Variants in UGT2A1 observed in about 807,000 individuals in gnomAD.
UGT2A1 encodes UDP-glucuronosyltransferase 2A1.
In UGT2A1, 61 loss-of-function variants were observed where a neutral mutation model predicts 45.4. That is an observed-to-expected ratio of 1.34 (90% CI 1.09 to 1.66). The LOEUF (loss-of-function observed/expected upper bound fraction) is 1.66. Among genes scored for constraint, UGT2A1 ranks in the 40% most tolerant of loss-of-function variants. UGT2A1 has a pLI of 0.00. For synonymous variants in UGT2A1, 229 were observed against 196.2 expected (o/e 1.17, Z -1.40); for missense variants, 649 against 574.3 (o/e 1.13, Z -1.33).
At position 69,594,660 on chromosome 4, in the gene UGT2A1, C is replaced by A; in HGVS notation, c.1121G>T (p.Gly374Val). 6.2e-7 allele frequency: 1 copy of A among 1,614,008 alleles called. No homozygotes were observed. Among genetic ancestry groups the A allele is most frequent in the Non-Finnish European group, 8.5e-7 (1 of 1,179,978 alleles). The change falls in exon 6 of 7, where the codon GGA (glycine) becomes GTA (valine). Residue 374 changes from glycine (G) to valine (V), a missense_variant. By Grantham distance (109) the Gly-to-Val change is moderately radical (BLOSUM62 -3). Transcript: ENST00000286604. ...AATAGCTTCGTAGATCCCATTAGTT[C>A]CACCATGAGTGATAAAAGCTTTGGT... is the stretch of plus-strand genomic sequence containing the variant. The part of the protein sequence containing the change: ...PKTKAFITHG[G>V]TNGIYEAIYH...
chr4:69,631,354 T>G (rs1468639005), intron 3 of UGT2A1, among the ~76,000 whole-genome samples: 1 of 152,152 alleles, frequency 6.6e-6, no homozygotes, highest in Non-Finnish European at 1.5e-5. Flanking sequence ...AATGATAATA[T>G]TTTGTAAATA....
intron 3 of UGT2A1, among the ~76,000 whole-genome samples, chr4:69,607,530 C>G (rs868352934): frequency 1.3e-5 from 2 of 151,896 alleles, no homozygotes; most frequent in East Asian, 3.9e-4. Context: ...ATGTCTAAAA[C>G]ACCAAAAGCA....
At chr4:69,610,909 T>C (rs1256613389) in intron 3 of UGT2A1, among the ~76,000 whole-genome samples, 2 of 152,180 alleles carry the variant, frequency 1.3e-5, no homozygotes, top group African/African-American at 4.8e-5. Context: ...TTAAATTAGC[T>C]AATCTTTTTC....
At chr4:69,630,310 T>C (rs1721311746) in intron 3 of UGT2A1, among the ~76,000 whole-genome samples, 2 of 152,068 alleles carry the variant, frequency 1.3e-5, no homozygotes, top group African/African-American at 4.8e-5. Context: ...CTTTAAGCCA[T>C]TTCCTTCTTC....
rs200495894 is a variant in UGT2A1, at chr4:69,647,428, T to A, written c.217A>T (p.Ile73Leu). ...PTSNPSLTFEIYKVPFGKERI... is the reference protein window; with the variant it reads ...PTSNPSLTFELYKVPFGKERI... ...TCTTTGCCAAAGGGCACCTTATATA[T>A]TTCAAATGTCAGAGATGGGTTAGAG... The change falls in exon 2 of 7, where the codon ATA becomes TTA. Residue 73 changes from isoleucine (I) to leucine (L), a missense_variant. Ile to Leu is a conservative substitution (Grantham distance 5). Transcript: ENST00000286604. 3.6e-5 allele frequency: 58 copies of A among 1,612,802 alleles called. No individual in the cohort carries two copies. The highest frequency in any genetic ancestry group is 4.2e-5 in the Non-Finnish European group (49 of 1,179,336).
chr4:69,631,408 G>C (rs1399655875), intron 3 of UGT2A1, among the ~76,000 whole-genome samples: 1 of 152,062 alleles, frequency 6.6e-6, no homozygotes, highest in Non-Finnish European at 1.5e-5. Flanking sequence ...TTAGAAAAAT[G>C]CTTCAGTGGA....
chr4:69,638,766 T>G, intron 2 of UGT2A1: 1 of 1,141,048 alleles, frequency 8.8e-7, no homozygotes, highest in South Asian at 2.0e-5. Context: ...ATCAGGGAAT[T>G]GTTTGTACAG....
At chr4:69,602,690 A>C (rs1719365327) in intron 3 of UGT2A1, among the ~76,000 whole-genome samples, 1 of 138,014 alleles carries the variant, frequency 7.2e-6, no homozygotes, top group Non-Finnish European at 1.5e-5. Flanking sequence ...TAGTTTTTAC[A>C]AAAGTTACAT....
intron 3 of UGT2A1, among the ~76,000 whole-genome samples, chr4:69,606,311 A>G (rs1052660682): frequency 7.3e-6 from 1 of 136,712 alleles, no homozygotes; most frequent in Non-Finnish European, 1.6e-5. Context: ...AAACAGAACC[A>G]AAGACAAAAA....
At chr4:69,603,059 T>C (rs1719393906) in intron 3 of UGT2A1, among the ~76,000 whole-genome samples, 1 of 134,084 alleles carries the variant, frequency 7.5e-6, no homozygotes, top group Non-Finnish European at 1.6e-5. Context: ...AGAGAGAGAC[T>C]CCATCTAAAA....
At position 69,636,473 on chromosome 4, in the gene UGT2A1, G is replaced by T. The variant is rs1460738269; in HGVS notation, c.716-651C>A. ...TGTTCAGTAACATGAGAAGCATAAA[G>T]GTTTTAAGTAAATAGGATATTTAAT... On this transcript the variant is annotated intron_variant, in intron 2 of 6. Transcript: ENST00000286604. 4.6e-5 allele frequency among the ~76,000 whole-genome samples: 7 copies of T among 152,150 alleles called. No individual in the cohort carries two copies. The South Asian group carries it at 1.5e-3, about 32-fold the overall frequency.
At chr4:69,623,870 T>G (rs1720893135) in intron 3 of UGT2A1, among the ~76,000 whole-genome samples, 2 of 151,640 alleles carry the variant, frequency 1.3e-5, no homozygotes, top group South Asian at 4.1e-4. Context: ...CAAAAGCATT[T>G]CAGAAAATAC....
chr4:69,629,230 C>T lies in UGT2A1; in HGVS notation c.847+6461G>A, dbSNP rs559956342. Among the ~76,000 whole-genome samples, 41 of 152,116 alleles carry T rather than the reference C, an allele frequency of 2.7e-4. No individual in the cohort carries two copies. In the Middle Eastern group the frequency reaches 0.01, roughly 38 times the overall value. On this transcript the variant is annotated intron_variant, in intron 3 of 6. Coordinates refer to ENST00000286604, the MANE Select transcript of UGT2A1 (RefSeq NM_001252275.3). ...CAGGTAGAAAGGGAGCCAGGTAATA[C>T]AGTCAATAAAAGTAGCTTCCTAGCA...
intron 3 of UGT2A1, among the ~76,000 whole-genome samples, chr4:69,607,621 A>G (rs1333530818): frequency 6.6e-6 from 1 of 152,186 alleles, no homozygotes; most frequent in South Asian, 2.1e-4. Context: ...CTACCATCAG[A>G]GTGAACAGGC....
chr4:69,612,703 C>A (rs1279738311), intron 3 of UGT2A1, among the ~76,000 whole-genome samples: 1 of 151,920 alleles, frequency 6.6e-6, no homozygotes, highest in African/African-American at 2.4e-5. Flanking sequence ...CGGATTGTCA[C>A]AATTTACCCT....
chr4:69,618,466 T>C (rs1230361201), intron 3 of UGT2A1, among the ~76,000 whole-genome samples: 2 of 151,900 alleles, frequency 1.3e-5, no homozygotes, highest in African/African-American at 4.8e-5. Flanking sequence ...ATTTCTAACT[T>C]TGTTTATTGA....
intron 3 of UGT2A1, among the ~76,000 whole-genome samples, chr4:69,612,961 A>T (rs7680856): frequency 0.39 from 58,780 of 150,046 alleles, 11,814 homozygotes; most frequent in African/African-American, 0.47. Flanking sequence ...AATGGGAGAA[A>T]ATATTTACAA....
rs1338376900 is a variant in UGT2A1 at position 69,589,041 on chromosome 4, T to C, written c.*331A>G. On this transcript the variant is annotated 3_prime_UTR_variant, in exon 7 of 7. Transcript: ENST00000286604. ...CAGGATTCAGCATATTGTTAATCAT[T>C]AATTAAGGTTAACGATAAAATAATT... 1 of 190,724 alleles carries C rather than the reference T, an allele frequency of 5.2e-6. No homozygotes were observed. Among genetic ancestry groups the C allele is most frequent in the Non-Finnish European group, 1.1e-5 (1 of 91,160 alleles). 11.8% of individuals were successfully genotyped at this position (190,724 alleles called of 1,614,324 possible).
At chr4:69,615,049 A>C (rs1331823699) in intron 3 of UGT2A1, among the ~76,000 whole-genome samples, 1 of 152,020 alleles carries the variant, frequency 6.6e-6, no homozygotes, top group Non-Finnish European at 1.5e-5. Context: ...CAAGAAGAGC[A>C]AGTGGAAAAC....
Sources: gnomAD v4.1 joint callset for allele counts (sites outside exome capture counted in the v4.1 genomes callset) on GRCh38, gnomAD v4.1.1 for gene constraint, MANE v1.5 for transcripts, NCBI Gene and HGNC (gene_info 2026-07-23, HGNC 2026-07-21) for gene names.